Variants in SCHIP1 observed in about 807,000 individuals in gnomAD.
SCHIP1 encodes schwannomin-interacting protein 1.
Under a neutral mutation model 29.7 loss-of-function variants are expected in SCHIP1, and 8 were observed. The ratio of observed to expected loss-of-function variants is 0.27; its 90% CI spans 0.16 to 0.49. SCHIP1 has a LOEUF of 0.49. Among genes scored for constraint, SCHIP1 ranks in the 20% least tolerant of loss-of-function variants. The probability of loss-of-function intolerance (pLI) is 0.99; values close to 1 mark genes in which losing one functional copy is unlikely to be tolerated. For synonymous variants in SCHIP1, 76 were observed against 94.9 expected, an observed-to-expected ratio of 0.80 and a Z score of 1.16; for missense variants, 193 against 294.6, an observed-to-expected ratio of 0.66 and a Z score of 2.52.
the SCHIP1 span, among the ~76,000 whole-genome samples, chr3:159,704,111 G>A: frequency 6.6e-6 from 1 of 152,162 alleles, no homozygotes; most frequent in African/African-American, 2.4e-5. Context: ...CAGAAAACAT[G>A]TTGAATGAAC....
chr3:159,721,704 G>A, the SCHIP1 span: 7 of 335,732 alleles, frequency 2.1e-5, no homozygotes, highest in South Asian at 1.4e-4. Context: ...GATAAAAGTC[G>A]GTTGTGCAGC....
At chr3:159,296,853 G>A in the SCHIP1 span, among the ~76,000 whole-genome samples, 1 of 151,784 alleles carries the variant, frequency 6.6e-6, no homozygotes, top group African/African-American at 2.4e-5. Context: ...TTACTATGCT[G>A]TACATTAGAT....
the SCHIP1 span, among the ~76,000 whole-genome samples, chr3:159,525,915 T>C: frequency 1.2e-4 from 19 of 152,332 alleles, no homozygotes; most frequent in African/African-American, 4.3e-4. Flanking sequence ...ATTAATAAAA[T>C]TGCAAACTTT....
the SCHIP1 span, among the ~76,000 whole-genome samples, chr3:159,802,999 A>T: frequency 7.2e-5 from 11 of 152,226 alleles, no homozygotes; most frequent in Non-Finnish European, 1.6e-4. Context: ...AAAGGGAAGA[A>T]GAAGAACACA....
chr3:159,803,114 G>T, the SCHIP1 span, among the ~76,000 whole-genome samples: 1 of 152,134 alleles, frequency 6.6e-6, no homozygotes, highest in African/African-American at 2.4e-5. Context: ...CACACATGCT[G>T]CAAGAGAGGC....
At chr3:159,687,591 C>CCCTCT in the SCHIP1 span, among the ~76,000 whole-genome samples, 1 of 151,864 alleles carries the variant, frequency 6.6e-6, no homozygotes, top group Non-Finnish European at 1.5e-5. Flanking sequence ...ACTTGGAAAA[C>CCCTCT]CCTCTCTTTT....
chr3:159,377,494 G>A, the SCHIP1 span, among the ~76,000 whole-genome samples: 13 of 152,194 alleles, frequency 8.5e-5, no homozygotes, highest in Admixed American at 5.2e-4. Flanking sequence ...AGAGGCCATG[G>A]AGAATCTATT....
At chr3:159,346,537 AAGAG>A in the SCHIP1 span, among the ~76,000 whole-genome samples, 1 of 152,188 alleles carries the variant, frequency 6.6e-6, no homozygotes, top group Admixed American at 6.5e-5. Flanking sequence ...TAATTAAAAA[AAGAG>A]AGCAGTTTTA....
chr3:159,617,719 C>T, the SCHIP1 span, among the ~76,000 whole-genome samples: 387 of 152,260 alleles, frequency 2.5e-3, 5 homozygotes, highest in African/African-American at 8.6e-3. Flanking sequence ...ACTACCCCCC[C>T]TAGGAAGAGG....
chr3:159,821,746 T>C, the SCHIP1 span, among the ~76,000 whole-genome samples: 1 of 152,232 alleles, frequency 6.6e-6, no homozygotes, highest in African/African-American at 2.4e-5. Flanking sequence ...TCAAGAACTT[T>C]TACCTTTTCA....
At chr3:159,623,921 C>T in the SCHIP1 span, among the ~76,000 whole-genome samples, 1 of 152,118 alleles carries the variant, frequency 6.6e-6, no homozygotes, top group Non-Finnish European at 1.5e-5. Flanking sequence ...AAAAGGTGTT[C>T]CCTACTCCCA....
the SCHIP1 span, among the ~76,000 whole-genome samples, chr3:159,385,390 T>G: frequency 6.6e-6 from 1 of 152,112 alleles, no homozygotes; most frequent in Non-Finnish European, 1.5e-5. Context: ...AAATCCAGTC[T>G]CTACTAAAAA....
the SCHIP1 span, among the ~76,000 whole-genome samples, chr3:159,540,968 C>G: frequency 1.0e-3 from 154 of 152,080 alleles, 1 homozygote; most frequent in Middle Eastern, 0.01. Flanking sequence ...AACACTAACC[C>G]ATCAAAACAA....
chr3:159,679,913 C>T, the SCHIP1 span, among the ~76,000 whole-genome samples: 1 of 152,140 alleles, frequency 6.6e-6, no homozygotes, highest in African/African-American at 2.4e-5. Context: ...TGTCCCTCTT[C>T]CTGGAGTGTT....
At chr3:159,510,643 T>C in the SCHIP1 span, among the ~76,000 whole-genome samples, 1 of 152,194 alleles carries the variant, frequency 6.6e-6, no homozygotes, top group Non-Finnish European at 1.5e-5. Context: ...CAGATGGGGT[T>C]TTGGTGTGGA....
the SCHIP1 span, among the ~76,000 whole-genome samples, chr3:159,375,520 A>G: frequency 6.6e-6 from 1 of 152,162 alleles, no homozygotes; most frequent in Non-Finnish European, 1.5e-5. Flanking sequence ...GTGGATCACG[A>G]GGTCAGGAGA....
chr3:159,360,627 G>A, the SCHIP1 span, among the ~76,000 whole-genome samples: 1 of 152,224 alleles, frequency 6.6e-6, no homozygotes, highest in African/African-American at 2.4e-5. Context: ...AGTAAGCTAA[G>A]CTCAGATTCA....
chr3:159,658,390 C>A, the SCHIP1 span, among the ~76,000 whole-genome samples: 1 of 152,126 alleles, frequency 6.6e-6, no homozygotes, highest in Non-Finnish European at 1.5e-5. Flanking sequence ...CCTGAATTTG[C>A]AAGTCAGATA....
the SCHIP1 span, among the ~76,000 whole-genome samples, chr3:159,344,003 A>G: frequency 6.6e-6 from 1 of 152,226 alleles, no homozygotes; most frequent in African/African-American, 2.4e-5. Context: ...AAAACAAGAT[A>G]GGTTACTTAG....
Sources: gnomAD v4.1 joint callset for allele counts (sites outside exome capture counted in the v4.1 genomes callset) on GRCh38, gnomAD v4.1.1 for gene constraint, MANE v1.5 for transcripts, NCBI Gene and HGNC (gene_info 2026-07-23, HGNC 2026-07-21) for gene names.